The following SPAG6 variants were observed in gnomAD, a reference collection of about 807,000 sequenced individuals.
SPAG6 encodes the protein sperm associated antigen 6, also known as sperm-associated antigen 6.
SPAG6 carries 49 observed loss-of-function variants against 58.5 expected under a neutral mutation model. The observed-to-expected ratio is 0.84, with a 90% confidence interval of 0.67 to 1.06. SPAG6 has a LOEUF of 1.06. SPAG6 is among the 50% of genes least tolerant of loss of function. SPAG6 has a pLI of 0.00. For synonymous variants in SPAG6, 233 were observed against 225.6 expected (o/e 1.03, Z -0.29); for missense variants, 560 against 611.3 (o/e 0.92, Z 0.89).
At position 22,345,997 on chromosome 10, in the gene SPAG6, T is replaced by TGGTTGTGGGAGGTG; in HGVS notation, c.121+180_121+193dup. 5.8e-6 allele frequency: 9 copies of TGGTTGTGGGAGGTG among 1,548,112 alleles called. No individual in the cohort carries two copies. The highest frequency in any genetic ancestry group is 7.0e-6 in the Non-Finnish European group (8 of 1,145,848). On this transcript the variant is annotated intron_variant, in intron 2 of 10. Transcript: ENST00000376624. This position sits in a 1 kb window ranked among gnomAD's most constrained non-coding sequence, Gnocchi z 6.3. ...AGGCCGAGAGGGTGAAGCTTCCAGA[T>TGGTTGTGGGAGGTG]GGTTGTGGGAGGTGCGCGTTGTCCC...
intron 2 of SPAG6, among the ~76,000 whole-genome samples, chr10:22,360,422 A>G (rs983477333): frequency 1.3e-5 from 2 of 150,154 alleles, no homozygotes; most frequent in Non-Finnish European, 3.0e-5. Flanking sequence ...TTGGGAGTCC[A>G]GGAGTTCAAG....
intron 4 of SPAG6, among the ~76,000 whole-genome samples, chr10:22,380,158 C>T (rs952721605): frequency 1.3e-5 from 2 of 152,096 alleles, no homozygotes; most frequent in African/African-American, 4.8e-5. Context: ...AGTAAGTAAC[C>T]AGCTTTGGTA....
chr10:22,416,489 G>A lies in SPAG6; in HGVS notation c.1461-130G>A, dbSNP rs112617375. On this transcript the variant is annotated intron_variant, in intron 10 of 10. Coordinates refer to ENST00000376624, the MANE Select transcript of SPAG6 (RefSeq NM_012443.4). ...ACTTTATGCACAAAGCATTACTGGAGCATAATTATTCAGAGTGTATTTGAG... is the reference window on the plus strand; with the variant it reads ...ACTTTATGCACAAAGCATTACTGGAACATAATTATTCAGAGTGTATTTGAG... 589 of 561,178 alleles carry A rather than the reference G, an allele frequency of 1.0e-3. 11 individuals are homozygous for A. Among genetic ancestry groups the A allele is most frequent in the African/African-American group, 7.6e-3 (414 of 54,206 alleles). 34.8% of individuals were successfully genotyped at this position (561,178 alleles called of 1,614,324 possible).
intron 4 of SPAG6, among the ~76,000 whole-genome samples, chr10:22,370,096 G>A (rs1361380439): frequency 6.6e-6 from 1 of 152,136 alleles, no homozygotes; most frequent in Non-Finnish European, 1.5e-5. Flanking sequence ...TGGTAACATG[G>A]AAAAGTGATT....
At chr10:22,371,894 C>G (rs1317265878) in intron 4 of SPAG6, among the ~76,000 whole-genome samples, 1 of 151,806 alleles carries the variant, frequency 6.6e-6, no homozygotes, top group Admixed American at 6.6e-5. Context: ...TTGGGGCTGA[C>G]AACCAGAAAT....
chr10:22,413,430 G>A (rs1421439663), intron 10 of SPAG6, among the ~76,000 whole-genome samples: 1 of 152,054 alleles, frequency 6.6e-6, no homozygotes, highest in Non-Finnish European at 1.5e-5. Context: ...CTACTCAGAA[G>A]GCTGAGGCAG....
chr10:22,362,012 T>G (rs1047118104), intron 2 of SPAG6, among the ~76,000 whole-genome samples: 3 of 146,732 alleles, frequency 2.0e-5, no homozygotes. Flanking sequence ...TTATTTCATA[T>G]ATTTATTTTA....
chr10:22,360,896 C>T lies in SPAG6; in HGVS notation c.122-3957C>T, dbSNP rs1450078478. The stretch of plus-strand genomic sequence containing the variant: ...AGAAAAATTTCTTTTTATTTCCTTC[C>T]TTCCTTCCTTCCTTCCATTGTCACC... On this transcript the variant is annotated intron_variant, in intron 2 of 10. Coordinates refer to ENST00000376624, the MANE Select transcript of SPAG6 (RefSeq NM_012443.4). The T allele has an allele frequency of 6.5e-6, 7 of 1,079,398 alleles. No individual in the cohort carries two copies. In the East Asian group the frequency reaches 1.6e-4, roughly 24 times the overall value. 66.9% of individuals were successfully genotyped at this position (1,079,398 alleles called of 1,614,324 possible). A position where few individuals can be genotyped will look rare whatever the true frequency, so the allele number is the denominator to read the frequency against.
intron 10 of SPAG6, chr10:22,412,398 C>A: frequency 9.9e-7 from 1 of 1,012,906 alleles, no homozygotes; most frequent in Non-Finnish European, 1.5e-6. Flanking sequence ...AGCACAAAAG[C>A]AATTTTAAGA....
At chr10:22,393,446 C>T (rs1324939548) in intron 8 of SPAG6, among the ~76,000 whole-genome samples, 2 of 152,004 alleles carry the variant, frequency 1.3e-5, no homozygotes, top group Non-Finnish European at 2.9e-5. Context: ...ATATATCTTG[C>T]CTTTTAATAA....
At chr10:22,381,593 A>G (rs955336758) in intron 4 of SPAG6, among the ~76,000 whole-genome samples, 17 of 149,010 alleles carry the variant, frequency 1.1e-4, no homozygotes, top group Admixed American at 4.1e-4. Flanking sequence ...TGCATTGACC[A>G]CTTCTGATCT....
At chr10:22,346,595 G>A (rs967611443) in intron 2 of SPAG6, among the ~76,000 whole-genome samples, 1 of 150,172 alleles carries the variant, frequency 6.7e-6, no homozygotes, top group Non-Finnish European at 1.5e-5. Flanking sequence ...CTGTAAGGTA[G>A]CATTTTATCA....
In SPAG6 at chr10:22,358,412, G is replaced by A. The variant is rs565741649; in HGVS notation, c.122-6441G>A. ...TGAGAAGTGTCTGTTCATATCCTTC[G>A]CCCACTTTTTGATGGGGTTGTTTTT... On this transcript the variant is annotated intron_variant, in intron 2 of 10. Transcript: ENST00000376624. Among the ~76,000 whole-genome samples, 1,378 of 151,832 alleles carry A rather than the reference G, an allele frequency of 9.1e-3. 10 individuals are homozygous for A. The highest frequency in any genetic ancestry group is 0.031 in the African/African-American group (1,274 of 41,410).
chr10:22,352,225 G>A (rs1588632814), intron 2 of SPAG6, among the ~76,000 whole-genome samples: 3 of 151,358 alleles, frequency 2.0e-5, no homozygotes, highest in Non-Finnish European at 4.4e-5. Flanking sequence ...GTGTGTGTGT[G>A]TCTGAATGAA....
intron 3 of SPAG6, among the ~76,000 whole-genome samples, chr10:22,368,261 C>T (rs1837252407): frequency 6.6e-6 from 1 of 152,140 alleles, no homozygotes; most frequent in Non-Finnish European, 1.5e-5. Flanking sequence ...CAGGGTAAAA[C>T]ATTTGAAATA....
chr10:22,378,987 C>A (rs1229324445), intron 4 of SPAG6, among the ~76,000 whole-genome samples: 1 of 152,092 alleles, frequency 6.6e-6, no homozygotes, highest in Non-Finnish European at 1.5e-5. Flanking sequence ...TATGTTAACC[C>A]TTAAGCTCTC....
intron 9 of SPAG6, among the ~76,000 whole-genome samples, chr10:22,402,206 C>G (rs188647800): frequency 6.6e-6 from 1 of 151,572 alleles, no homozygotes; most frequent in Non-Finnish European, 1.5e-5. Flanking sequence ...ATATTAAGCA[C>G]GCAAAAGAAC....
chr10:22,346,099 C>G, intron 2 of SPAG6: 1 of 1,484,178 alleles, frequency 6.7e-7, no homozygotes, highest in South Asian at 1.2e-5. Context: ...AGTCATTTTA[C>G]GTGAATGGGA....
intron 2 of SPAG6, among the ~76,000 whole-genome samples, chr10:22,362,027 AAT>A (rs1837056673): frequency 6.8e-6 from 1 of 146,362 alleles, no homozygotes; most frequent in Non-Finnish European, 1.5e-5. Flanking sequence ...ATTTTATATA[AAT>A]ATATAGATAT....
Sources: gnomAD v4.1 joint callset for allele counts (sites outside exome capture counted in the v4.1 genomes callset) on GRCh38, gnomAD v4.1.1 for gene constraint, Gnocchi (gnomAD v3.1) non-coding constraint, MANE v1.5 for transcripts, NCBI Gene and HGNC (gene_info 2026-07-23, HGNC 2026-07-21) for gene names.